Variants in MGAT4C observed in about 807,000 individuals in gnomAD.
MGAT4C encodes the protein MGAT4 family member C.
A neutral mutation model predicts 40.1 loss-of-function variants in MGAT4C; 19 were observed. The ratio of observed to expected loss-of-function variants is 0.47; its 90% CI spans 0.33 to 0.70. The LOEUF is 0.70. Among genes scored for constraint, MGAT4C ranks in the 30% least tolerant of loss-of-function variants. The pLI, the probability that MGAT4C is intolerant of heterozygous loss-of-function variation, is 0.02. For synonymous variants in MGAT4C, 181 were observed against 187.1 expected (o/e 0.97, Z 0.27); for missense variants, 491 against 563.2 (o/e 0.87, Z 1.30).
At chr12:86,737,726 A>G (rs538893584) in intron 1 of MGAT4C, among the ~76,000 whole-genome samples, 1 of 151,322 alleles carries the variant, frequency 6.6e-6, no homozygotes, top group Non-Finnish European at 1.5e-5. Flanking sequence ...CAACACAGTC[A>G]ATAACAATTC....
At chr12:86,470,343 A>G (rs1442222470) in intron 2 of MGAT4C, among the ~76,000 whole-genome samples, 2 of 152,072 alleles carry the variant, frequency 1.3e-5, no homozygotes, top group African/African-American at 4.8e-5. Flanking sequence ...CTTATCTGAA[A>G]TGAAAATATG....
At chr12:86,091,795 C>A (rs898507168) in intron 1 of MGAT4C, among the ~76,000 whole-genome samples, 14 of 152,064 alleles carry the variant, frequency 9.2e-5, no homozygotes, top group Non-Finnish European at 1.3e-4. Context: ...ATCATAACAT[C>A]TCTGTATTAA....
At chr12:86,623,843 C>T (rs1962716316) in intron 2 of MGAT4C, among the ~76,000 whole-genome samples, 1 of 152,070 alleles carries the variant, frequency 6.6e-6, no homozygotes, top group Admixed American at 6.6e-5. Flanking sequence ...TAATTTAGCC[C>T]ATCTCCATCC....
chr12:86,181,629 A>G (rs1888133844), intron 1 of MGAT4C, among the ~76,000 whole-genome samples: 1 of 152,170 alleles, frequency 6.6e-6, no homozygotes, highest in South Asian at 2.1e-4. Flanking sequence ...TCTATCTATC[A>G]TGAACTTCCA....
At position 86,053,743 on chromosome 12, in the gene MGAT4C, T is replaced by C. The variant is rs145377123; in HGVS notation, c.-56-4020A>G. 2.7e-3 allele frequency among the ~76,000 whole-genome samples: 403 copies of C among 151,924 alleles called. 3 individuals carry two copies. The highest frequency in any genetic ancestry group is 8.9e-3 in the African/African-American group (369 of 41,476). ...AACAAACTATTAGCAAGAAAACAAATGGTCCAATTAAAAATGGGCCAAGTA... is the reference window on the plus strand; with the variant it reads ...AACAAACTATTAGCAAGAAAACAAACGGTCCAATTAAAAATGGGCCAAGTA... On this transcript the variant is annotated intron_variant, in intron 1 of 4. Transcript: ENST00000611864.
chr12:86,181,524 T>A (rs1011193506), intron 1 of MGAT4C, among the ~76,000 whole-genome samples: 3 of 152,140 alleles, frequency 2.0e-5, no homozygotes, highest in African/African-American at 7.2e-5. Context: ...CAAACAACTT[T>A]TCTAGGGAAT....
At chr12:86,544,515 C>T (rs1325971708) in intron 2 of MGAT4C, among the ~76,000 whole-genome samples, 1 of 152,032 alleles carries the variant, frequency 6.6e-6, no homozygotes, top group Non-Finnish European at 1.5e-5. Context: ...AGAAGCCACT[C>T]CAACCTCAAA....
intron 1 of MGAT4C, among the ~76,000 whole-genome samples, chr12:86,771,679 A>AAT (rs1048146237): frequency 7.8e-5 from 11 of 140,298 alleles, no homozygotes; most frequent in Non-Finnish European, 1.2e-4. Flanking sequence ...AAAGTACATA[A>AAT]ATATATATGT....
intron 1 of MGAT4C, among the ~76,000 whole-genome samples, chr12:86,108,416 CTTTT>C (rs542900025): frequency 6.6e-5 from 10 of 151,950 alleles, no homozygotes; most frequent in Non-Finnish European, 1.5e-4. Context: ...CTTCTCTTTT[CTTTT>C]TTTTCTTTTT....
At chr12:86,107,361 T>G (rs999174977) in intron 1 of MGAT4C, among the ~76,000 whole-genome samples, 3 of 152,130 alleles carry the variant, frequency 2.0e-5, no homozygotes, top group African/African-American at 7.2e-5. Context: ...ATTGTATGTG[T>G]GTGTGTGTGT....
intron 2 of MGAT4C, among the ~76,000 whole-genome samples, chr12:86,710,261 A>G (rs1459338917): frequency 6.6e-6 from 1 of 152,092 alleles, no homozygotes; most frequent in Non-Finnish European, 1.5e-5. Context: ...TGTAGTAAAT[A>G]CCCTTGAACC....
At chr12:86,319,992 C>T (rs1007279782) in intron 4 of MGAT4C, among the ~76,000 whole-genome samples, 12 of 151,950 alleles carry the variant, frequency 7.9e-5, no homozygotes, top group South Asian at 6.2e-4. Flanking sequence ...GAACCAGTTC[C>T]GTGGTTCTTA....
intron 3 of MGAT4C, among the ~76,000 whole-genome samples, chr12:86,423,106 T>C (rs574045258): frequency 1.3e-5 from 2 of 152,262 alleles, no homozygotes; most frequent in East Asian, 1.9e-4. Context: ...GTTTTGCAAC[T>C]CTTTCTTTGC....
At position 86,449,051 on chromosome 12, in the gene MGAT4C, T is replaced by C. The variant is rs796790624; in HGVS notation, c.-228-13786A>G. ...TCACTGAAAAGAGAGCAGAGGTATA[T>C]TGTAGATGTAGCAAGAAAAAGTTAG... On this transcript the variant is annotated intron_variant, in intron 2 of 7. Transcript: ENST00000548651. Among the ~76,000 whole-genome samples, 9 of 152,280 alleles carry C rather than the reference T, an allele frequency of 5.9e-5. 1 individual carries two copies. The highest frequency in any genetic ancestry group is 2.2e-4 in the African/African-American group (9 of 41,582).
At chr12:86,560,621 C>T (rs1341047850) in intron 2 of MGAT4C, among the ~76,000 whole-genome samples, 2 of 152,070 alleles carry the variant, frequency 1.3e-5, no homozygotes, top group African/African-American at 4.8e-5. Context: ...GCAAATTCAG[C>T]ATAGAAGATG....
At chr12:86,544,882 T>C (rs1169445168) in intron 2 of MGAT4C, among the ~76,000 whole-genome samples, 1 of 152,056 alleles carries the variant, frequency 6.6e-6, no homozygotes, top group Non-Finnish European at 1.5e-5. Flanking sequence ...CTTAGAGATA[T>C]GAAATGAAAA....
chr12:86,179,931 T>A (rs1593160548), intron 1 of MGAT4C, among the ~76,000 whole-genome samples: 1 of 152,194 alleles, frequency 6.6e-6, no homozygotes, highest in Non-Finnish European at 1.5e-5. Context: ...CTAATGTTAA[T>A]CCCCAACAGC....
chr12:86,806,263 G>A (rs973775868), intron 1 of MGAT4C, among the ~76,000 whole-genome samples: 4 of 151,698 alleles, frequency 2.6e-5, no homozygotes, highest in Non-Finnish European at 5.9e-5. Flanking sequence ...CAATAAAATT[G>A]TAGTTTCAAA....
chr12:85,997,110 G>A (rs568951040), intron 2 of MGAT4C, among the ~76,000 whole-genome samples: 1 of 152,310 alleles, frequency 6.6e-6, no homozygotes, highest in African/African-American at 2.4e-5. Context: ...CACAATCATG[G>A]TGGAAGGCAA....
Sources: gnomAD v4.1 joint callset for allele counts (sites outside exome capture counted in the v4.1 genomes callset) on GRCh38, gnomAD v4.1.1 for gene constraint, MANE v1.5 for transcripts, NCBI Gene and HGNC (gene_info 2026-07-23, HGNC 2026-07-21) for gene names.